PIK3C2G: variants seen among roughly 807,000 people sequenced by gnomAD.
PIK3C2G encodes phosphatidylinositol-4-phosphate 3-kinase catalytic subunit type 2 gamma.
PIK3C2G carries 168 observed loss-of-function variants against 181.1 expected under a neutral mutation model. The ratio of observed to expected loss-of-function variants is 0.93; its 90% CI spans 0.82 to 1.05. The LOEUF is 1.05. Among genes scored for constraint, PIK3C2G ranks in the 50% least tolerant of loss-of-function variants. The probability of loss-of-function intolerance (pLI) is 0.00; values close to 1 mark genes in which losing one functional copy is unlikely to be tolerated. For synonymous variants in PIK3C2G, 573 were observed against 592.2 expected, an observed-to-expected ratio of 0.97 and a Z score of 0.47; for missense variants, 1,869 against 1,732.8, an observed-to-expected ratio of 1.08 and a Z score of -1.40.
At chr12:18,513,574 T>G in intron 24 of PIK3C2G, among the ~76,000 whole-genome samples, 1 of 151,716 alleles carries the variant, frequency 6.6e-6, no homozygotes, top group East Asian at 1.9e-4. Context: ...TATCCAATTT[T>G]TTGGCATATA....
chr12:18,303,551 C>A (rs1398028762), intron 5 of PIK3C2G, among the ~76,000 whole-genome samples: 3 of 152,084 alleles, frequency 2.0e-5, no homozygotes, highest in African/African-American at 7.2e-5. Flanking sequence ...GTCAGGTTCA[C>A]TCCTCATCTC....
intron 9 of PIK3C2G, among the ~76,000 whole-genome samples, chr12:18,339,239 A>C (rs191527040): frequency 6.6e-6 from 1 of 152,298 alleles, no homozygotes; most frequent in African/African-American, 2.4e-5. Flanking sequence ...AGTTTAGCAA[A>C]TGATAAAGCA....
chr12:18,543,575 A>G (rs1352941658), intron 25 of PIK3C2G, among the ~76,000 whole-genome samples: 2 of 151,954 alleles, frequency 1.3e-5, no homozygotes, highest in East Asian at 3.9e-4. Context: ...TATATGGTGT[A>G]AGGAAGGAGT....
At chr12:18,629,600 T>G (rs1286468472) in intron 31 of PIK3C2G, among the ~76,000 whole-genome samples, 1 of 152,094 alleles carries the variant, frequency 6.6e-6, no homozygotes, top group Non-Finnish European at 1.5e-5. Flanking sequence ...GTAGAGGGGA[T>G]AAAGAAGGGT....
At chr12:18,415,419 A>C (rs147180181) in intron 16 of PIK3C2G, among the ~76,000 whole-genome samples, 1 of 152,210 alleles carries the variant, frequency 6.6e-6, no homozygotes, top group African/African-American at 2.4e-5. Flanking sequence ...TTAGTCCATT[A>C]ATGTTGTGTG....
At chr12:18,391,038 C>A (rs575124377) in intron 14 of PIK3C2G, 84 bp from the exon 15 acceptor site, 1 of 923,246 alleles carries the variant, frequency 1.1e-6, no homozygotes, top group African/African-American at 1.7e-5. Flanking sequence ...TCTTTAGTTT[C>A]TATAAATCTA....
chr12:18,391,603 GA>G (rs1943537004), intron 15 of PIK3C2G, among the ~76,000 whole-genome samples: 2 of 152,046 alleles, frequency 1.3e-5, no homozygotes, highest in African/African-American at 4.8e-5. Context: ...AGTCAACAGG[GA>G]AAAGCAACAT....
At chr12:18,246,932 G>C (rs10840992), upstream of PIK3C2G, among the ~76,000 whole-genome samples, 1 of 151,916 alleles carries the variant, frequency 6.6e-6, no homozygotes, top group Non-Finnish European at 1.5e-5. Context: ...CTATTATAAC[G>C]AGAATAATTT....
the PIK3C2G span, among the ~76,000 whole-genome samples, chr12:18,711,529 TATAATA>T: frequency 1.5e-3 from 211 of 142,466 alleles, 2 homozygotes; most frequent in African/African-American, 4.1e-3. Context: ...AAACTTAAAG[TATAATA>T]ATAATAATAA....
At chr12:18,349,010 C>T (rs1263352976) in intron 11 of PIK3C2G, among the ~76,000 whole-genome samples, 1 of 152,138 alleles carries the variant, frequency 6.6e-6, no homozygotes, top group Non-Finnish European at 1.5e-5. Flanking sequence ...GCCTCAATTC[C>T]TTGCCACAGA....
At chr12:18,393,396 TACC>T (rs549529589) in intron 15 of PIK3C2G, among the ~76,000 whole-genome samples, 218 of 152,198 alleles carry the variant, frequency 1.4e-3, no homozygotes, top group African/African-American at 5.0e-3. Flanking sequence ...AGTTTCCCAG[TACC>T]ACATTTTATC....
chr12:18,354,488 T>A (rs1002017685), intron 11 of PIK3C2G, among the ~76,000 whole-genome samples: 1 of 152,194 alleles, frequency 6.6e-6, no homozygotes, highest in African/African-American at 2.4e-5. Context: ...ATAGGAGGGA[T>A]GGATCAATCC....
At chr12:18,537,863 A>G (rs934169844) in intron 24 of PIK3C2G, among the ~76,000 whole-genome samples, 2 of 151,968 alleles carry the variant, frequency 1.3e-5, no homozygotes, top group Non-Finnish European at 2.9e-5. Context: ...ATTGGCCTTT[A>G]TGTTACTTTT....
At chr12:18,479,392 A>T (rs988047558) in intron 18 of PIK3C2G, among the ~76,000 whole-genome samples, 1 of 152,114 alleles carries the variant, frequency 6.6e-6, no homozygotes, top group Non-Finnish European at 1.5e-5. Context: ...AGGGCTGGGG[A>T]GTCAGACACA....
chr12:18,509,838 A>T (rs982984704), intron 24 of PIK3C2G, among the ~76,000 whole-genome samples: 1 of 152,252 alleles, frequency 6.6e-6, no homozygotes, highest in African/African-American at 2.4e-5. Flanking sequence ...CCATCAGATT[A>T]AATCAAAGAA....
At chr12:18,324,010 GGAGATC>G (rs1951220987) in intron 7 of PIK3C2G, among the ~76,000 whole-genome samples, 1 of 151,926 alleles carries the variant, frequency 6.6e-6, no homozygotes, top group South Asian at 2.1e-4. Flanking sequence ...CATGAGGTCA[GGAGATC>G]GAGACCATCC....
intron 1 of PIK3C2G, among the ~76,000 whole-genome samples, chr12:18,278,588 C>A (rs1354248077): frequency 2.6e-5 from 4 of 152,152 alleles, no homozygotes; most frequent in Non-Finnish European, 4.4e-5. Context: ...CTACAAAATA[C>A]ATTTTCTATA....
the PIK3C2G span, among the ~76,000 whole-genome samples, chr12:18,664,910 A>G: frequency 1.3e-5 from 2 of 150,848 alleles, no homozygotes; most frequent in Non-Finnish European, 3.0e-5. Context: ...CACAAGGACA[A>G]AAAACCAAAT....
At chr12:18,550,806 A>G (rs1217300395) in intron 26 of PIK3C2G, among the ~76,000 whole-genome samples, 1 of 152,066 alleles carries the variant, frequency 6.6e-6, no homozygotes, top group Non-Finnish European at 1.5e-5. Flanking sequence ...ATCCCGAGCC[A>G]AGACCAGGCC....
Sources: allele counts gnomAD v4.1 joint callset (sites outside exome capture counted in the v4.1 genomes callset), GRCh38; gene constraint gnomAD v4.1.1; transcripts MANE v1.5; gene names NCBI Gene and HGNC (gene_info 2026-07-23, HGNC 2026-07-21).